Variants in TFDP2 observed in about 807,000 individuals in gnomAD.
TFDP2 encodes transcription factor Dp-2, also known as transcription factor Dp-2 (E2F dimerization partner 2).
In TFDP2, 17 loss-of-function variants were observed where a neutral mutation model predicts 59.3. That is an observed-to-expected ratio of 0.29 (90% CI 0.20 to 0.43). TFDP2 has a LOEUF of 0.43. Ranked by LOEUF, TFDP2 falls within the 20% of genes least tolerant of loss-of-function variation. The pLI is 1.00. For missense variants in TFDP2, 391 were observed against 528.8 expected (o/e 0.74, Z 2.56); for synonymous variants, 180 against 194.7 (o/e 0.92, Z 0.63).
chr3:142,095,819 C>A (rs1429970935), intron 2 of TFDP2, among the ~76,000 whole-genome samples: 2 of 152,084 alleles, frequency 1.3e-5, no homozygotes, highest in African/African-American at 4.8e-5. Context: ...TGTTGGTGTT[C>A]TACTTTAAAA....
intron 3 of TFDP2, among the ~76,000 whole-genome samples, chr3:142,070,376 C>A (rs2060207058): frequency 6.6e-6 from 1 of 151,146 alleles, no homozygotes; most frequent in African/African-American, 2.4e-5. Flanking sequence ...CCCCTGGGCT[C>A]AAGCAATCCT....
intron 3 of TFDP2, among the ~76,000 whole-genome samples, chr3:142,009,955 G>C (rs1269596936): frequency 6.6e-6 from 1 of 151,702 alleles, no homozygotes; most frequent in Non-Finnish European, 1.5e-5. Flanking sequence ...AAACTTTATA[G>C]AAGTATTAGA....
intron 3 of TFDP2, among the ~76,000 whole-genome samples, chr3:142,086,183 G>GA (rs148550868): frequency 6.6e-6 from 1 of 151,404 alleles, no homozygotes; most frequent in Admixed American, 6.6e-5. Context: ...TTAAGAATGG[G>GA]AAAAAAAACC....
At chr3:142,141,469 C>A (rs1431001611) in intron 1 of TFDP2, among the ~76,000 whole-genome samples, 1 of 152,180 alleles carries the variant, frequency 6.6e-6, no homozygotes, top group African/African-American at 2.4e-5. Context: ...CTGGGAGCTG[C>A]AGACTGGAGC....
chr3:141,962,239 C>T (rs978580381), intron 10 of TFDP2, among the ~76,000 whole-genome samples: 2 of 151,648 alleles, frequency 1.3e-5, no homozygotes, highest in African/African-American at 2.4e-5. Flanking sequence ...CCAACACGCC[C>T]GGCCAAGAAT....
chr3:142,115,912 G>A (rs1431270524), intron 1 of TFDP2, among the ~76,000 whole-genome samples: 1 of 152,180 alleles, frequency 6.6e-6, no homozygotes, highest in East Asian at 1.9e-4. Context: ...GCAAAAACTA[G>A]TGAAATCCAA....
rs150274890 is a variant in TFDP2, at chr3:142,111,286, G to A, written c.-92-9445C>T. Among the ~76,000 whole-genome samples the A allele has an allele frequency of 1.0e-3, 156 of 152,068 alleles. 1 individual carries two copies. The highest frequency in any genetic ancestry group is 3.2e-3 in the African/African-American group (133 of 41,510). The stretch of plus-strand genomic sequence containing the variant: ...TCTACTAAAAATACAAAAATTAGCC[G>A]GGTGTGGTGGCACATGCCTGTAATC... On this transcript the variant is annotated intron_variant, in intron 1 of 12. Transcript: ENST00000489671.
At chr3:142,130,367 C>T (rs1159803343) in intron 1 of TFDP2, among the ~76,000 whole-genome samples, 1 of 152,050 alleles carries the variant, frequency 6.6e-6, no homozygotes, top group African/African-American at 2.4e-5. Context: ...TGATTCCCCA[C>T]ATATGAGGTA....
chr3:141,998,023 G>A lies in TFDP2; in HGVS notation c.187-2882C>T, dbSNP rs12496835. 1.3e-3 allele frequency among the ~76,000 whole-genome samples: 197 copies of A among 152,128 alleles called. 1 individual carries two copies. The highest frequency in any genetic ancestry group is 5.6e-3 in the Admixed American group (85 of 15,272). On this transcript the variant is annotated intron_variant, in intron 4 of 12. Transcript: ENST00000489671. ...AGATTGTTAGCTGCGGCTGATCGGA[G>A]AGTGATTAGCAACACTCTGCTCCTT...
At chr3:141,969,343 T>C (rs1409693492) in intron 9 of TFDP2, among the ~76,000 whole-genome samples, 3 of 148,690 alleles carry the variant, frequency 2.0e-5, no homozygotes, top group Non-Finnish European at 4.4e-5. Context: ...CCCAGTGTGG[T>C]GGCTCATGCC....
At chr3:141,987,804 T>TG (rs1364635967) in intron 6 of TFDP2, among the ~76,000 whole-genome samples, 1 of 149,908 alleles carries the variant, frequency 6.7e-6, no homozygotes, top group Non-Finnish European at 1.5e-5. Flanking sequence ...CCGGGCATGA[T>TG]GGCAGGTGCC....
rs1038236702 is a variant in TFDP2, at chr3:142,005,491, T to C, written c.136A>G (p.Ile46Val). The change falls in exon 4 of 13, where the codon ATT becomes GTT. Residue 46 changes from isoleucine (I) to valine (V), a missense_variant. By Grantham distance (29) the Ile-to-Val change is conservative (BLOSUM62 3). Transcript: ENST00000489671. Reference protein sequence around the residue: ...PVSNTNSPTKILPKTLGPINV... With the variant: ...PVSNTNSPTKVLPKTLGPINV... ...ATTGGTCCTAAGGTTTTTGGTAAAA[T>C]CTTTGTAGGTGAGTTGGTATTGGAA... 2.5e-6 allele frequency: 4 copies of C among 1,611,216 alleles called. No individual in the cohort carries two copies. In the Admixed American group the frequency reaches 5.0e-5, roughly 20 times the overall value.
At chr3:142,077,801 G>A (rs1185396637) in intron 3 of TFDP2, among the ~76,000 whole-genome samples, 1 of 152,150 alleles carries the variant, frequency 6.6e-6, no homozygotes, top group Non-Finnish European at 1.5e-5. Context: ...AGCAGAGGGA[G>A]AAATAAAGGA....
intron 3 of TFDP2, among the ~76,000 whole-genome samples, chr3:142,081,151 G>A (rs1704985): frequency 0.75 from 113,902 of 152,070 alleles, 42,668 homozygotes; most frequent in South Asian, 0.81. Context: ...TGACCACAAT[G>A]GAATAAAACT....
chr3:142,149,446 C>G lies in TFDP2; in HGVS notation c.-356G>C, dbSNP rs552030133. 3 of 378,736 alleles carry G rather than the reference C, an allele frequency of 7.9e-6. No individual in the cohort carries two copies. The highest frequency in any genetic ancestry group is 6.3e-5 in the African/African-American group (3 of 47,736). 23.5% of individuals were successfully genotyped at this position (378,736 alleles called of 1,614,324 possible). ...GCGGGCCGGGCAGCTGCGGCAGCGC[C>G]GCAGCCGAGATCGCTACCGATTTCG... On this transcript the variant is annotated 5_prime_UTR_variant, in exon 1 of 13. Transcript: ENST00000489671.
intron 3 of TFDP2, among the ~76,000 whole-genome samples, chr3:142,044,891 A>C (rs1947251078): frequency 6.6e-6 from 1 of 152,190 alleles, no homozygotes; most frequent in Non-Finnish European, 1.5e-5. Flanking sequence ...AGATTTAATT[A>C]GCTAATTCAT....
intron 3 of TFDP2, among the ~76,000 whole-genome samples, chr3:142,083,795 A>G (rs913385839): frequency 1.1e-4 from 16 of 152,248 alleles, no homozygotes; most frequent in Middle Eastern, 3.2e-3. Context: ...AAAACTGGAT[A>G]TCCGTATGCA....
At chr3:141,994,804 G>C (rs1943109309) in intron 5 of TFDP2, 1 of 387,634 alleles carries the variant, frequency 2.6e-6, no homozygotes, top group Non-Finnish European at 4.5e-6. Context: ...ACAGGGTTTA[G>C]TTATGAGTTA....
chr3:142,144,409 G>C (rs1395575704), intron 1 of TFDP2, among the ~76,000 whole-genome samples: 1 of 151,564 alleles, frequency 6.6e-6, no homozygotes, highest in African/African-American at 2.4e-5. Context: ...GGAGGGGTTT[G>C]AATTTAAAAG....
Sources: gnomAD v4.1 joint callset for allele counts (sites outside exome capture counted in the v4.1 genomes callset) on GRCh38, gnomAD v4.1.1 for gene constraint, MANE v1.5 for transcripts, NCBI Gene and HGNC (gene_info 2026-07-23, HGNC 2026-07-21) for gene names.